Variants in SCN10A observed in about 807,000 individuals in gnomAD.
The protein encoded by SCN10A is sodium channel protein type 10 subunit alpha.
In SCN10A, 162 loss-of-function variants were observed where a neutral mutation model predicts 170.7. The ratio of observed to expected loss-of-function variants is 0.95; its 90% CI spans 0.84 to 1.08. The LOEUF (loss-of-function observed/expected upper bound fraction) is 1.08, where lower values mean the gene tolerates loss of function less well. Ranked by LOEUF, SCN10A falls within the 50% of genes least tolerant of loss-of-function variation. The pLI is 0.00. For synonymous variants in SCN10A, 985 were observed against 904.6 expected (o/e 1.09, Z -1.59); for missense variants, 2,527 against 2,436.9 (o/e 1.04, Z -0.78).
At chr3:38,705,796 G>A (rs2063204463) in intron 26 of SCN10A, among the ~76,000 whole-genome samples, 1 of 152,126 alleles carries the variant, frequency 6.6e-6, no homozygotes, top group Admixed American at 6.5e-5. Context: ...CTCAAATGTG[G>A]ATTCAATCTT....
intron 4 of SCN10A, among the ~76,000 whole-genome samples, chr3:38,774,449 T>C (rs532889539): frequency 6.6e-6 from 1 of 152,288 alleles, no homozygotes; most frequent in South Asian, 2.1e-4. Flanking sequence ...GCAAGGTATT[T>C]CTTGATGTTG....
At chr3:38,806,054 G>C (rs998825376) in intron 1 of SCN10A, among the ~76,000 whole-genome samples, 3 of 152,166 alleles carry the variant, frequency 2.0e-5, no homozygotes, top group Non-Finnish European at 4.4e-5. Context: ...AATGGGACTG[G>C]CTTTCTGTGG....
intron 26 of SCN10A, among the ~76,000 whole-genome samples, chr3:38,705,737 C>T (rs569347355): frequency 3.3e-5 from 5 of 152,174 alleles, no homozygotes; most frequent in African/African-American, 9.6e-5. Context: ...CAAAAACTTT[C>T]ATGTTTTTGC....
intron 1 of SCN10A, among the ~76,000 whole-genome samples, chr3:38,812,735 A>G (rs1038724554): frequency 1.1e-4 from 17 of 152,028 alleles, no homozygotes; most frequent in African/African-American, 3.4e-4. Flanking sequence ...TCTTCTATCT[A>G]TCTAAAGTCT....
In SCN10A at chr3:38,709,470, C is replaced by A. The variant is rs775308110; in HGVS notation, c.4281+8G>T. The stretch of plus-strand genomic sequence containing the variant: ...AGCAGAAACCAGAAACTCCTGAGCA[C>A]CACTTATCTTTTTTTTCTGTTGATT... On this transcript the variant is annotated splice_region_variant and intron_variant, in intron 25 of 27. Coordinates refer to ENST00000449082, the MANE Select transcript of SCN10A (RefSeq NM_006514.4). 3.7e-6 allele frequency: 6 copies of A among 1,605,236 alleles called. No homozygotes were observed. In the African/African-American group the frequency reaches 5.4e-5, roughly 14 times the overall value.
chr3:38,757,905 C>T (rs7432727), intron 8 of SCN10A, among the ~76,000 whole-genome samples: 65,485 of 151,926 alleles, frequency 0.43, 14,341 homozygotes, highest in East Asian at 0.7. Context: ...GAGGATGAGT[C>T]GATGTCAAGA....
intron 25 of SCN10A, among the ~76,000 whole-genome samples, chr3:38,708,864 G>T (rs1224165155): frequency 6.6e-6 from 1 of 152,228 alleles, no homozygotes; most frequent in Non-Finnish European, 1.5e-5. Context: ...TTTCTCTCGG[G>T]ATCTCAGTTA....
intron 27 of SCN10A, 47 bp downstream of exon 27, chr3:38,701,792 C>A (rs1413486152): frequency 5.2e-6 from 8 of 1,541,642 alleles, no homozygotes; most frequent in Non-Finnish European, 7.0e-6. Context: ...ATCCCAAAGA[C>A]CCCCAAACAG....
intron 4 of SCN10A, among the ~76,000 whole-genome samples, chr3:38,787,452 C>T (rs1313580581): frequency 6.6e-6 from 1 of 151,968 alleles, no homozygotes; most frequent in Non-Finnish European, 1.5e-5. Context: ...ATCTTATTAT[C>T]TGTAAATTAC....
At chr3:38,758,679 G>A (rs1240688855) in intron 8 of SCN10A, among the ~76,000 whole-genome samples, 1 of 152,142 alleles carries the variant, frequency 6.6e-6, no homozygotes, top group East Asian at 1.9e-4. Context: ...GAGGACCCAG[G>A]TTTAGCTTTC....
intron 25 of SCN10A, 102 bp from the exon 26 acceptor site, chr3:38,707,485 C>T: frequency 8.5e-7 from 1 of 1,177,870 alleles, no homozygotes; most frequent in Non-Finnish European, 1.2e-6. Context: ...CTTCTCCCCT[C>T]CTCTGCAGAT....
chr3:38,806,997 T>C (rs1260896395), intron 1 of SCN10A, among the ~76,000 whole-genome samples: 1 of 152,132 alleles, frequency 6.6e-6, no homozygotes, highest in East Asian at 1.9e-4. Context: ...CTATTTCGAA[T>C]TTCCCCTTTA....
intron 12 of SCN10A, among the ~76,000 whole-genome samples, chr3:38,751,302 C>G (rs921964713): frequency 6.6e-6 from 1 of 152,190 alleles, no homozygotes; most frequent in African/African-American, 2.4e-5. Flanking sequence ...CAGCTTCCCC[C>G]TGTTACTAGT....
chr3:38,793,995 C>T lies in SCN10A; in HGVS notation c.16G>A (p.Gly6Arg), dbSNP rs1486527017. MEFPI[G>R]SLETNNFRRF... ...CGGAAGTTGTTAGTTTCGAGGGATC[C>T]AATGGGGAATTCCATCTTCTCATTC... is the stretch of plus-strand genomic sequence containing the variant. Residue 6 changes from glycine (G) to arginine (R), a missense_variant, in exon 2 of 28, where the codon GGA becomes AGA. By Grantham distance (125) the Gly-to-Arg change is moderately radical (BLOSUM62 -2). Transcript: ENST00000449082. The T allele has an allele frequency of 6.2e-7, 1 of 1,613,758 alleles. No individual in the cohort carries two copies. The highest frequency in any genetic ancestry group is 1.3e-5 in the African/African-American group (1 of 75,010).
chr3:38,725,951 G>C (rs1447319028), intron 17 of SCN10A, among the ~76,000 whole-genome samples: 1 of 152,212 alleles, frequency 6.6e-6, no homozygotes, highest in Non-Finnish European at 1.5e-5. Context: ...GGACCACTTA[G>C]TAACCTGGCC....
chr3:38,726,758 C>A lies in SCN10A; in HGVS notation c.2935G>T (p.Gly979Cys), dbSNP rs752287839. Residue 979 changes from glycine to cysteine, a missense_variant, in exon 17 of 28, where the codon GGC becomes TGC. Coordinates refer to ENST00000449082, the MANE Select transcript of SCN10A (RefSeq NM_006514.4). ...AAGTCACTGTGCTCATCCCTGGGGC[C>A]TCTGGGAGCTTGGAGCCCTCCAGAG... Reference protein sequence around the residue: ...GSSGGLQAPRGPRDEHSDFIA... With the variant: ...GSSGGLQAPRCPRDEHSDFIA... The A allele has an allele frequency of 2.5e-6, 4 of 1,611,734 alleles. No homozygotes were observed. The Admixed American group carries it at 6.7e-5, about 27-fold the overall frequency.
At chr3:38,806,283 T>C (rs1417953220) in intron 1 of SCN10A, among the ~76,000 whole-genome samples, 2 of 152,126 alleles carry the variant, frequency 1.3e-5, no homozygotes, top group Non-Finnish European at 2.9e-5. Context: ...AATCTTAACT[T>C]CTCCTGAGTC....
chr3:38,714,371 A>G (rs945002943), intron 21 of SCN10A, among the ~76,000 whole-genome samples: 10 of 152,030 alleles, frequency 6.6e-5, no homozygotes. Context: ...TATTAAATCA[A>G]CTCTTCCTTT....
At chr3:38,790,559 CTTTAT>C (rs2064268478) in intron 3 of SCN10A, among the ~76,000 whole-genome samples, 1 of 151,752 alleles carries the variant, frequency 6.6e-6, no homozygotes, top group Non-Finnish European at 1.5e-5. Context: ...TGTGATTTCT[CTTTAT>C]TTGTAATTTC....
Sources: gnomAD v4.1 joint callset for allele counts (sites outside exome capture counted in the v4.1 genomes callset) on GRCh38, gnomAD v4.1.1 for gene constraint, MANE v1.5 for transcripts, NCBI Gene and HGNC (gene_info 2026-07-23, HGNC 2026-07-21) for gene names.